The following LRRC4C variants were observed in gnomAD, a reference collection of about 807,000 sequenced individuals.
LRRC4C encodes the protein leucine-rich repeat-containing protein 4C.
Under a neutral mutation model 33.6 loss-of-function variants are expected in LRRC4C, and 5 were observed. The observed-to-expected ratio is 0.15, with a 90% CI of 0.08 to 0.31. LRRC4C has a LOEUF of 0.31. Ranked by LOEUF, LRRC4C falls within the 10% of genes least tolerant of loss-of-function variation. LRRC4C has a pLI of 1.00. For missense variants in LRRC4C, 560 were observed against 796.7 expected (o/e 0.70, Z 3.58); for synonymous variants, 329 against 302.0 (o/e 1.09, Z -0.93).
intron 2 of LRRC4C, among the ~76,000 whole-genome samples, chr11:40,875,673 C>T (rs1954848600): frequency 6.6e-6 from 1 of 152,088 alleles, no homozygotes; most frequent in Non-Finnish European, 1.5e-5. Context: ...AGTAATCGCA[C>T]ATATTTAATC....
chr11:40,348,649 C>T (rs1947245850), intron 3 of LRRC4C, among the ~76,000 whole-genome samples: 1 of 152,166 alleles, frequency 6.6e-6, no homozygotes, highest in Non-Finnish European at 1.5e-5. Context: ...TGAGCCTCCA[C>T]CCTGCCTTCT....
intron 4 of LRRC4C, among the ~76,000 whole-genome samples, chr11:40,281,313 A>G (rs1943460632): frequency 6.6e-6 from 1 of 152,104 alleles, no homozygotes; most frequent in Admixed American, 6.6e-5. Flanking sequence ...GTTTGAATTC[A>G]TTCATCCACA....
At chr11:41,170,800 C>G (rs1205032905) in intron 1 of LRRC4C, among the ~76,000 whole-genome samples, 1 of 152,056 alleles carries the variant, frequency 6.6e-6, no homozygotes, top group Non-Finnish European at 1.5e-5. Flanking sequence ...AAGAAACAAC[C>G]ATCAGAGTGA....
intron 2 of LRRC4C, among the ~76,000 whole-genome samples, chr11:40,727,137 AC>A (rs1947323646): frequency 6.6e-6 from 1 of 152,126 alleles, no homozygotes; most frequent in Non-Finnish European, 1.5e-5. Context: ...GAGATCAAAG[AC>A]AGGCATCACA....
chr11:40,729,685 T>C (rs947706110), intron 2 of LRRC4C, among the ~76,000 whole-genome samples: 11 of 152,220 alleles, frequency 7.2e-5, no homozygotes, highest in Non-Finnish European at 1.5e-4. Flanking sequence ...GTTTCACTTA[T>C]GGACTTTAAA....
At chr11:40,990,094 C>T (rs1853402986) in intron 1 of LRRC4C, among the ~76,000 whole-genome samples, 1 of 150,578 alleles carries the variant, frequency 6.6e-6, no homozygotes, top group South Asian at 2.1e-4. Flanking sequence ...GGAACTAATC[C>T]CCCAAGGATA....
chr11:40,541,539 T>A (rs1956707155), intron 3 of LRRC4C, among the ~76,000 whole-genome samples: 1 of 152,166 alleles, frequency 6.6e-6, no homozygotes, highest in Non-Finnish European at 1.5e-5. Flanking sequence ...GACAATGACC[T>A]TGCCTTGGGA....
At chr11:41,078,922 A>G (rs974880462) in intron 1 of LRRC4C, among the ~76,000 whole-genome samples, 1 of 152,184 alleles carries the variant, frequency 6.6e-6, no homozygotes, top group Admixed American at 6.5e-5. Flanking sequence ...CCTTGCCTGC[A>G]TAATTGCAAT....
At chr11:40,639,264 C>A (rs1191836413) in intron 3 of LRRC4C, among the ~76,000 whole-genome samples, 1 of 152,018 alleles carries the variant, frequency 6.6e-6, no homozygotes, top group Non-Finnish European at 1.5e-5. Flanking sequence ...CAAATGAAGG[C>A]AAGTCAGACT....
chr11:41,427,965 AT>A (rs1955100554), intron 1 of LRRC4C, among the ~76,000 whole-genome samples: 1 of 151,390 alleles, frequency 6.6e-6, no homozygotes, highest in African/African-American at 2.4e-5. Context: ...TTTGACTGTA[AT>A]TTTCCTTTAC....
At chr11:40,451,738 A>T (rs1296985719) in intron 3 of LRRC4C, among the ~76,000 whole-genome samples, 1 of 152,108 alleles carries the variant, frequency 6.6e-6, no homozygotes, top group East Asian at 1.9e-4. Context: ...TAATTAGAAT[A>T]CTTAGATGAA....
At chr11:41,354,648 TATAAAAATAGACACA>T (rs1290576963) in intron 1 of LRRC4C, among the ~76,000 whole-genome samples, 2 of 151,818 alleles carry the variant, frequency 1.3e-5, no homozygotes, top group East Asian at 3.9e-4. Context: ...ATGATGTTGT[TATAAAAATAGACACA>T]TAGACCAATG....
intron 2 of LRRC4C, among the ~76,000 whole-genome samples, chr11:40,814,803 G>C (rs1358538148): frequency 6.6e-6 from 1 of 151,894 alleles, no homozygotes; most frequent in African/African-American, 2.4e-5. Flanking sequence ...TAGCAAAAGT[G>C]ACATTTACTC....
intron 1 of LRRC4C, among the ~76,000 whole-genome samples, chr11:41,156,859 C>T (rs1944255379): frequency 6.6e-6 from 1 of 151,966 alleles, no homozygotes; most frequent in Non-Finnish European, 1.5e-5. Context: ...TTTTTGTCCC[C>T]TTTAAAACTC....
intron 1 of LRRC4C, among the ~76,000 whole-genome samples, chr11:41,019,589 T>C: frequency 6.6e-6 from 1 of 152,130 alleles, no homozygotes; most frequent in East Asian, 1.9e-4. Context: ...CCTTGAGGAA[T>C]CACCACACTG....
chr11:40,177,268 T>C (rs1396555443), intron 5 of LRRC4C, among the ~76,000 whole-genome samples: 4 of 152,158 alleles, frequency 2.6e-5, no homozygotes, highest in African/African-American at 9.7e-5. Flanking sequence ...GAGTCTTTTT[T>C]CAACAAAATG....
intron 2 of LRRC4C, among the ~76,000 whole-genome samples, chr11:40,869,668 C>G (rs778909205): frequency 6.6e-6 from 1 of 152,096 alleles, no homozygotes; most frequent in Non-Finnish European, 1.5e-5. Flanking sequence ...TGCTCACCTC[C>G]CACACACTAG....
chr11:40,469,128 C>T (rs1314110797), intron 3 of LRRC4C, among the ~76,000 whole-genome samples: 1 of 152,210 alleles, frequency 6.6e-6, no homozygotes, highest in Admixed American at 6.5e-5. Context: ...CTGCAGCTTC[C>T]AGTGAGATCA....
chr11:41,103,815 G>A (rs1236016196), intron 1 of LRRC4C, among the ~76,000 whole-genome samples: 1 of 151,910 alleles, frequency 6.6e-6, no homozygotes, highest in Non-Finnish European at 1.5e-5. Flanking sequence ...TAAGAACTCA[G>A]AAATGAATCT....
Sources: allele counts gnomAD v4.1 joint callset (sites outside exome capture counted in the v4.1 genomes callset), GRCh38; gene constraint gnomAD v4.1.1; transcripts MANE v1.5; gene names NCBI Gene and HGNC (gene_info 2026-07-23, HGNC 2026-07-21).